CPLANE1: variants seen among roughly 807,000 people sequenced by gnomAD.
The protein encoded by CPLANE1 is ciliogenesis and planar polarity effector 1.
A neutral mutation model predicts 362.5 loss-of-function variants in CPLANE1; 263 were observed. The ratio of observed to expected loss-of-function variants is 0.73; its 90% CI spans 0.66 to 0.80. The LOEUF is 0.80. CPLANE1 is among the 30% of genes least tolerant of loss of function. CPLANE1 has a pLI of 0.00. For missense variants in CPLANE1, 3,461 were observed against 3,793.4 expected (o/e 0.91, Z 2.30); for synonymous variants, 1,212 against 1,302.6 (o/e 0.93, Z 1.50).
chr5:37,187,550 G>A lies in CPLANE1; in HGVS notation c.3944C>T (p.Ser1315Phe), dbSNP rs1214966380. Residue 1315 changes from serine to phenylalanine, a missense_variant, in exon 23 of 53, where the codon TCT becomes TTT. By Grantham distance (155) the Ser-to-Phe change is radical. This residue lies in a region of CPLANE1 where 3,380 missense variants were observed against 3,666.1 expected (regional missense o/e 0.92). Transcript: ENST00000651892. ...GEKDLEVEFDSCMIEHCLSAV... is the reference protein window; with the variant it reads ...GEKDLEVEFDFCMIEHCLSAV... ...ACTAAGACAGTGCTCAATCATACAAGAATCAAACTCCACTTCAAGGTCCTA... is the reference window on the plus strand; with the variant it reads ...ACTAAGACAGTGCTCAATCATACAAAAATCAAACTCCACTTCAAGGTCCTA... 1.9e-6 allele frequency: 3 copies of A among 1,607,616 alleles called. No homozygotes were observed. Among genetic ancestry groups the A allele is most frequent in the African/African-American group, 2.7e-5 (2 of 74,624 alleles).
chr5:37,232,521 GA>G (rs36033877), intron 8 of CPLANE1, among the ~76,000 whole-genome samples: 24,429 of 119,534 alleles, frequency 0.2, 2,209 homozygotes, highest in Admixed American at 0.22. Context: ...CATCTTGGGG[GA>G]AAAAAAAAAA....
intron 40 of CPLANE1, 75 bp downstream of exon 40, chr5:37,157,595 A>T: frequency 7.7e-7 from 1 of 1,294,694 alleles, no homozygotes; most frequent in Non-Finnish European, 1.1e-6. Flanking sequence ...GAGGTAAGAG[A>T]TGTGAGTAGG....
intron 38 of CPLANE1, 110 bp from the exon 39 acceptor site, chr5:37,158,455 T>G: frequency 9.4e-7 from 1 of 1,065,378 alleles, no homozygotes; most frequent in Non-Finnish European, 1.3e-6. Flanking sequence ...AAATTGTACT[T>G]CTTGAAATCT....
chr5:37,200,871 T>G (rs949993175), intron 19 of CPLANE1, among the ~76,000 whole-genome samples: 4 of 152,214 alleles, frequency 2.6e-5, no homozygotes, highest in African/African-American at 9.6e-5. Context: ...TCACCCAGGC[T>G]GGAGTGCAGT....
intron 46 of CPLANE1, among the ~76,000 whole-genome samples, chr5:37,126,662 C>T (rs1764205958): frequency 6.6e-6 from 1 of 152,160 alleles, no homozygotes; most frequent in African/African-American, 2.4e-5. Flanking sequence ...TGAACTAACA[C>T]ACATGCAGTA....
At chr5:37,114,247 C>T (rs183226471) in intron 51 of CPLANE1, among the ~76,000 whole-genome samples, 20 of 152,248 alleles carry the variant, frequency 1.3e-4, no homozygotes, top group African/African-American at 4.6e-4. Context: ...GAACACAATG[C>T]CTGGCATAGA....
In CPLANE1 at chr5:37,182,954, T is replaced by A; in HGVS notation, c.5227A>T (p.Ile1743Leu). 1 of 1,606,320 alleles carries A rather than the reference T, an allele frequency of 6.2e-7. No homozygotes were observed. Among genetic ancestry groups the A allele is most frequent in the Non-Finnish European group, 8.5e-7 (1 of 1,176,484 alleles). ...LPLALNTFGS[I>L]GRLLEWMIRW... is the part of the protein sequence containing the mutation. The stretch of plus-strand genomic sequence containing the variant: ...ATCATCCATTCCAGCAGTCTTCCTA[T>A]ACTGCCAAAAGTGTTTAGTGCTAAA... Residue 1743 changes from isoleucine to leucine, a missense_variant, in exon 26 of 53, where the codon ATA becomes TTA. Physicochemically the swap from Ile to Leu is conservative, Grantham distance 5. Coordinates refer to ENST00000651892, the MANE Select transcript of CPLANE1 (RefSeq NM_001384732.1).
At chr5:37,222,655 A>G (rs1239306789) in intron 14 of CPLANE1, among the ~76,000 whole-genome samples, 1 of 152,208 alleles carries the variant, frequency 6.6e-6, no homozygotes, top group Non-Finnish European at 1.5e-5. Context: ...AAACTTTTCT[A>G]TACCCAGAAC....
chr5:37,210,802 C>G (rs1453035246), intron 16 of CPLANE1: 23 of 1,133,512 alleles, frequency 2.0e-5, no homozygotes, highest in Non-Finnish European at 3.0e-5. Context: ...CCTGAACTTG[C>G]GGTCTTTCAG....
At chr5:37,190,464 G>A (rs1785222322) in intron 21 of CPLANE1, among the ~76,000 whole-genome samples, 1 of 151,542 alleles carries the variant, frequency 6.6e-6, no homozygotes, top group Admixed American at 6.6e-5. Flanking sequence ...TGTAGTCCCA[G>A]CTACTCAGGA....
intron 8 of CPLANE1, among the ~76,000 whole-genome samples, chr5:37,238,181 T>C (rs1021621021): frequency 2.6e-5 from 4 of 152,044 alleles, no homozygotes; most frequent in African/African-American, 7.2e-5. Flanking sequence ...CCATCTTTTT[T>C]TGTGTGTGTG....
the CPLANE1 span, among the ~76,000 whole-genome samples, chr5:37,086,997 A>G: frequency 6.6e-5 from 10 of 152,168 alleles, no homozygotes; most frequent in African/African-American, 2.2e-4. Context: ...TGGGATCTCC[A>G]AGTTCAGGCT....
chr5:37,180,854 T>TA lies in CPLANE1; in HGVS notation c.5570+2dup. The TA allele has an allele frequency of 6.2e-7, 1 of 1,613,660 alleles. No homozygotes were observed. Among genetic ancestry groups the TA allele is most frequent in the Middle Eastern group, 1.7e-4 (1 of 6,060 alleles). ...GAAAAGAAGAGTATAATCGGCAACT[T>TA]ACTTCAAGATATTTTGACAAGATTT... On this transcript the variant is annotated splice_region_variant and intron_variant, in intron 27 of 52. Coordinates refer to ENST00000651892, the MANE Select transcript of CPLANE1 (RefSeq NM_001384732.1).
the CPLANE1 span, among the ~76,000 whole-genome samples, chr5:37,078,837 G>T: frequency 6.6e-6 from 1 of 151,712 alleles, no homozygotes; most frequent in Non-Finnish European, 1.5e-5. Flanking sequence ...TCATAGGTTT[G>T]TTGGCCATAT....
the CPLANE1 span, among the ~76,000 whole-genome samples, chr5:37,086,604 G>C: frequency 6.6e-6 from 1 of 152,158 alleles, no homozygotes; most frequent in African/African-American, 2.4e-5. Context: ...TTGATCATTT[G>C]TGGGCAGGAT....
chr5:37,176,810 G>A (rs967267866), intron 30 of CPLANE1, among the ~76,000 whole-genome samples: 2 of 150,200 alleles, frequency 1.3e-5, no homozygotes, highest in African/African-American at 2.5e-5. Context: ...CCAGGCTGGA[G>A]TGCAGTGGCC....
intron 50 of CPLANE1, among the ~76,000 whole-genome samples, chr5:37,115,505 A>G (rs928255824): frequency 1.1e-4 from 16 of 152,000 alleles, no homozygotes; most frequent in Non-Finnish European, 7.4e-5. Context: ...TCTATGAGGT[A>G]GGTTTCAAAT....
intron 17 of CPLANE1, 41 bp downstream of exon 17, chr5:37,206,156 T>C (rs376761158): frequency 1.6e-6 from 2 of 1,249,466 alleles, no homozygotes; most frequent in Non-Finnish European, 2.3e-6. Flanking sequence ...AAATACATAG[T>C]TCAATCATAC....
At chr5:37,149,650 T>G (rs780791171) in intron 42 of CPLANE1, among the ~76,000 whole-genome samples, 1 of 152,196 alleles carries the variant, frequency 6.6e-6, no homozygotes, top group Non-Finnish European at 1.5e-5. Flanking sequence ...AAGAATAAAA[T>G]GCAACGATTA....
Sources: gnomAD v4.1 joint callset for allele counts (sites outside exome capture counted in the v4.1 genomes callset) on GRCh38, gnomAD v4.1.1 for gene constraint, gnomAD v4.1.1 regional missense constraint, MANE v1.5 for transcripts, NCBI Gene and HGNC (gene_info 2026-07-23, HGNC 2026-07-21) for gene names.